Variants in CNTLN observed in about 807,000 individuals in gnomAD.
The protein encoded by CNTLN is centlein, centrosomal protein.
Under a neutral mutation model 180.0 loss-of-function variants are expected in CNTLN, and 212 were observed. That is an observed-to-expected ratio of 1.18 (90% CI 1.05 to 1.32). The LOEUF (loss-of-function observed/expected upper bound fraction) is 1.32. CNTLN is among the 40% of genes most tolerant of loss of function. CNTLN has a pLI of 0.00. For synonymous variants in CNTLN, 722 were observed against 563.1 expected, an observed-to-expected ratio of 1.28 and a Z score of -3.99; for missense variants, 2,095 against 1,610.9, an observed-to-expected ratio of 1.30 and a Z score of -5.14.
intron 16 of CNTLN, among the ~76,000 whole-genome samples, chr9:17,411,721 T>G (rs1049854683): frequency 6.6e-6 from 1 of 152,138 alleles, no homozygotes; most frequent in African/African-American, 2.4e-5. Context: ...CTGCTCCTTA[T>G]GAGAATCTAA....
chr9:17,441,385 C>T (rs939121715), intron 18 of CNTLN, among the ~76,000 whole-genome samples: 1 of 151,746 alleles, frequency 6.6e-6, no homozygotes, highest in African/African-American at 2.4e-5. Flanking sequence ...ATAATGAATA[C>T]ATAATATAAA....
intron 13 of CNTLN, among the ~76,000 whole-genome samples, chr9:17,372,279 A>T (rs1824387416): frequency 6.6e-6 from 1 of 152,180 alleles, no homozygotes; most frequent in Non-Finnish European, 1.5e-5. Context: ...ATTACAACAG[A>T]TACTGCAGAA....
intron 5 of CNTLN, among the ~76,000 whole-genome samples, chr9:17,257,440 T>A (rs951014398): frequency 5.5e-4 from 84 of 152,188 alleles, no homozygotes; most frequent in Non-Finnish European, 8.7e-4. Flanking sequence ...TAAACATAGG[T>A]GTGCATGTGT....
At chr9:17,506,037 C>G (rs906815898), downstream of CNTLN, among the ~76,000 whole-genome samples, 2 of 151,614 alleles carry the variant, frequency 1.3e-5, no homozygotes, top group Non-Finnish European at 2.9e-5. Flanking sequence ...GGCATAATCA[C>G]CTTTTTGACA....
At chr9:17,491,348 G>C (rs1162368594) in intron 25 of CNTLN, among the ~76,000 whole-genome samples, 1 of 152,078 alleles carries the variant, frequency 6.6e-6, no homozygotes, top group African/African-American at 2.4e-5. Context: ...TCTGGGGACG[G>C]AGGACAATAA....
At chr9:17,230,708 T>C (rs1221906215) in intron 3 of CNTLN, among the ~76,000 whole-genome samples, 3 of 152,000 alleles carry the variant, frequency 2.0e-5, no homozygotes, top group Admixed American at 6.6e-5. Context: ...ACTTTCTCCC[T>C]CCACATACTG....
At chr9:17,348,658 G>A (rs995381602) in intron 12 of CNTLN, among the ~76,000 whole-genome samples, 3 of 151,788 alleles carry the variant, frequency 2.0e-5, no homozygotes, top group Non-Finnish European at 2.9e-5. Context: ...AGCCTCCCTA[G>A]TAGCTGGGAT....
At chr9:17,291,732 A>G (rs1264728556) in intron 6 of CNTLN, among the ~76,000 whole-genome samples, 1 of 152,184 alleles carries the variant, frequency 6.6e-6, no homozygotes, top group African/African-American at 2.4e-5. Flanking sequence ...TAAATCCAGC[A>G]CGTTGATGAG....
intron 25 of CNTLN, among the ~76,000 whole-genome samples, chr9:17,492,595 G>C (rs554274963): frequency 6.6e-6 from 1 of 152,192 alleles, no homozygotes; most frequent in East Asian, 1.9e-4. Flanking sequence ...ATTAATAAGT[G>C]TTAGGAGGCA....
intron 12 of CNTLN, among the ~76,000 whole-genome samples, chr9:17,343,603 T>G (rs1250557310): frequency 6.6e-6 from 1 of 152,202 alleles, no homozygotes; most frequent in Non-Finnish European, 1.5e-5. Context: ...GCTCTTATCT[T>G]GAAAACTATT....
At chr9:17,283,854 A>T (rs1384699385) in intron 6 of CNTLN, among the ~76,000 whole-genome samples, 2 of 152,090 alleles carry the variant, frequency 1.3e-5, no homozygotes, top group Non-Finnish European at 2.9e-5. Context: ...TGAGATGATC[A>T]TGTGTTTGCT....
At position 17,176,285 on chromosome 9, in the gene CNTLN, A is replaced by AT. The variant is rs371486425; in HGVS notation, c.449+32919dup. ...ATTTTCTGTTCCTAGATTGCTGATA[A>AT]TTTTTTTTTTATCATGAATGGGCAT... On this transcript the variant is annotated intron_variant, in intron 2 of 25. Transcript: ENST00000380647. Among the ~76,000 whole-genome samples the AT allele has an allele frequency of 3.2e-3, 479 of 149,586 alleles. 2 individuals carry two copies. The highest frequency in any genetic ancestry group is 8.8e-3 in the African/African-American group (359 of 40,842).
chr9:17,292,810 C>A (rs1206576553), intron 6 of CNTLN, among the ~76,000 whole-genome samples: 1 of 151,826 alleles, frequency 6.6e-6, no homozygotes, highest in Non-Finnish European at 1.5e-5. Flanking sequence ...GTCAGTTCAT[C>A]CATCTCCACC....
At chr9:17,223,094 G>C (rs1334930935) in intron 2 of CNTLN, among the ~76,000 whole-genome samples, 1 of 152,060 alleles carries the variant, frequency 6.6e-6, no homozygotes, top group East Asian at 1.9e-4. Context: ...TAGGCAGGTT[G>C]TGTTTATAGC....
chr9:17,150,930 C>G (rs1318392623), intron 2 of CNTLN, among the ~76,000 whole-genome samples: 2 of 152,098 alleles, frequency 1.3e-5, no homozygotes, highest in Non-Finnish European at 2.9e-5. Context: ...TGGGAGTTCA[C>G]TCATGGTTTG....
At chr9:17,228,716 A>G (rs1187827951) in intron 3 of CNTLN, among the ~76,000 whole-genome samples, 1 of 152,086 alleles carries the variant, frequency 6.6e-6, no homozygotes, top group African/African-American at 2.4e-5. Context: ...GTTATTTCAT[A>G]GTCAGGTCCA....
intron 18 of CNTLN, among the ~76,000 whole-genome samples, chr9:17,452,405 G>T (rs146751929): frequency 6.6e-6 from 1 of 152,236 alleles, no homozygotes; most frequent in Non-Finnish European, 1.5e-5. Context: ...TCTAAGCTAG[G>T]ACATTCAATG....
intron 2 of CNTLN, among the ~76,000 whole-genome samples, chr9:17,176,663 ATTC>A (rs1455682779): frequency 3.3e-5 from 5 of 152,146 alleles, no homozygotes; most frequent in East Asian, 1.9e-4. Context: ...AGTTGATGTT[ATTC>A]TTCTTCAAAT....
chr9:17,492,640 A>C (rs1833226130), intron 25 of CNTLN, among the ~76,000 whole-genome samples: 1 of 152,168 alleles, frequency 6.6e-6, no homozygotes, highest in Admixed American at 6.6e-5. Context: ...GCTAATGATA[A>C]TGTAAAAGGG....
Sources: gnomAD v4.1 joint callset for allele counts (sites outside exome capture counted in the v4.1 genomes callset) on GRCh38, gnomAD v4.1.1 for gene constraint, MANE v1.5 for transcripts, NCBI Gene and HGNC (gene_info 2026-07-23, HGNC 2026-07-21) for gene names.